The following EPHA5 variants were observed in gnomAD, a reference collection of about 807,000 sequenced individuals.
EPHA5 encodes the protein ephrin type-A receptor 5.
Under a neutral mutation model 105.0 loss-of-function variants are expected in EPHA5, and 60 were observed. The observed-to-expected ratio is 0.57, with a 90% CI of 0.46 to 0.71. The LOEUF is 0.71. Among genes scored for constraint, EPHA5 ranks in the 30% least tolerant of loss-of-function variants. EPHA5 has a pLI of 0.00. For missense variants in EPHA5, 1,218 were observed against 1,274.7 expected, an observed-to-expected ratio of 0.96 and a Z score of 0.68; for synonymous variants, 513 against 449.1, an observed-to-expected ratio of 1.14 and a Z score of -1.80.
chr4:65,507,557 T>C (rs1302626477), intron 3 of EPHA5, among the ~76,000 whole-genome samples: 1 of 152,200 alleles, frequency 6.6e-6, no homozygotes, highest in Non-Finnish European at 1.5e-5. Flanking sequence ...CAGTGGTTTG[T>C]AGTTCTCCTT....
At chr4:65,599,300 C>T (rs1277954270) in intron 3 of EPHA5, among the ~76,000 whole-genome samples, 1 of 150,782 alleles carries the variant, frequency 6.6e-6, no homozygotes, top group African/African-American at 2.4e-5. Context: ...AGGTTTGAGG[C>T]TAGCAGGTTA....
chr4:65,640,802 G>A (rs908866975), intron 2 of EPHA5, among the ~76,000 whole-genome samples: 6 of 152,148 alleles, frequency 3.9e-5, no homozygotes, highest in Admixed American at 6.6e-5. Flanking sequence ...TCTTTCCTGA[G>A]CATACTTACA....
chr4:65,520,827 A>C (rs1422016874), intron 3 of EPHA5, among the ~76,000 whole-genome samples: 1 of 152,202 alleles, frequency 6.6e-6, no homozygotes, highest in Non-Finnish European at 1.5e-5. Context: ...ACAATGAGAT[A>C]CCATCTCACA....
intron 3 of EPHA5, among the ~76,000 whole-genome samples, chr4:65,599,913 C>T (rs906936051): frequency 6.6e-6 from 1 of 152,024 alleles, no homozygotes. Flanking sequence ...TTAATCTCAT[C>T]GACAATCAAA....
intron 3 of EPHA5, among the ~76,000 whole-genome samples, chr4:65,595,603 C>T (rs924221153): frequency 7.3e-5 from 10 of 136,624 alleles, no homozygotes; most frequent in South Asian, 2.3e-4. Flanking sequence ...TTTTTTGAGA[C>T]GGAGCCTAAC....
chr4:65,473,936 T>A (rs1729536549), intron 5 of EPHA5, among the ~76,000 whole-genome samples: 1 of 150,892 alleles, frequency 6.6e-6, no homozygotes, highest in Admixed American at 6.6e-5. Flanking sequence ...CTATAGCATA[T>A]TGAGGATTAA....
intron 3 of EPHA5, among the ~76,000 whole-genome samples, chr4:65,532,884 A>C (rs1309005392): frequency 6.6e-6 from 1 of 152,058 alleles, no homozygotes; most frequent in Non-Finnish European, 1.5e-5. Context: ...GCATCTAAAC[A>C]GTTATTTGTC....
At chr4:65,438,606 T>C (rs1444248387) in intron 5 of EPHA5, among the ~76,000 whole-genome samples, 4 of 151,932 alleles carry the variant, frequency 2.6e-5, no homozygotes, top group Non-Finnish European at 4.4e-5. Context: ...TAAGAAAATA[T>C]GTGAGCTGAA....
intron 3 of EPHA5, among the ~76,000 whole-genome samples, chr4:65,516,516 A>G (rs1734118652): frequency 6.6e-6 from 1 of 151,952 alleles, no homozygotes; most frequent in Non-Finnish European, 1.5e-5. Flanking sequence ...CTGTGCTTTT[A>G]AAACCCTTGT....
chr4:65,420,607 C>T (rs1269426218), intron 5 of EPHA5, 42 bp from the exon 6 acceptor site: 14 of 1,588,550 alleles, frequency 8.8e-6, no homozygotes, highest in South Asian at 1.1e-5. Flanking sequence ...ATTAATAAGG[C>T]CCTAAAAGTA....
At chr4:65,513,476 G>A (rs1578300677) in intron 3 of EPHA5, among the ~76,000 whole-genome samples, 1 of 151,828 alleles carries the variant, frequency 6.6e-6, no homozygotes, top group East Asian at 1.9e-4. Flanking sequence ...AACCTCCGTC[G>A]CCCAGGTTCA....
At chr4:65,380,083 A>C (rs1384557617) in intron 8 of EPHA5, among the ~76,000 whole-genome samples, 3 of 151,812 alleles carry the variant, frequency 2.0e-5, no homozygotes, top group Non-Finnish European at 2.9e-5. Flanking sequence ...ATGATTTAGA[A>C]ATAGAAACCA....
intron 5 of EPHA5, among the ~76,000 whole-genome samples, chr4:65,440,473 A>T (rs1187068978): frequency 1.4e-5 from 2 of 145,592 alleles, no homozygotes; most frequent in Admixed American, 7.2e-5. Flanking sequence ...TTTTGTTTTT[A>T]TTCAACTTAT....
At chr4:65,665,548 A>C (rs780691967) in intron 1 of EPHA5, among the ~76,000 whole-genome samples, 3 of 152,142 alleles carry the variant, frequency 2.0e-5, no homozygotes, top group Non-Finnish European at 4.4e-5. Flanking sequence ...ATAGGTGTAA[A>C]AAGTGCACCT....
chr4:65,449,052 C>A lies in EPHA5; in HGVS notation c.1403-28487G>T, dbSNP rs75476012. Among the ~76,000 whole-genome samples the A allele has an allele frequency of 2.0e-5, 3 of 151,684 alleles. No individual in the cohort carries two copies. The South Asian group carries it at 6.2e-4, about 32-fold the overall frequency. ...TTATACTTGTCAAAGTAAGAAATAA[C>A]GTAACAAAAATGTATTTAAAAACTA... On this transcript the variant is annotated intron_variant, in intron 5 of 16. Coordinates refer to ENST00000613740, the MANE Select transcript of EPHA5 (RefSeq NM_001281766.3).
intron 5 of EPHA5, among the ~76,000 whole-genome samples, chr4:65,461,166 G>C (rs1728087256): frequency 1.3e-5 from 2 of 151,846 alleles, no homozygotes; most frequent in Admixed American, 6.6e-5. Context: ...GAGAGTTATT[G>C]TAAATGTACA....
chr4:65,665,633 A>G lies in EPHA5; in HGVS notation c.181+3929T>C, dbSNP rs1029305424. ...AGTATTTCCAGATGACAATATTACA[A>G]GAAGAATATTTCCAATCAAAGAAAA... On this transcript the variant is annotated intron_variant, in intron 1 of 16. Coordinates refer to ENST00000613740, the MANE Select transcript of EPHA5 (RefSeq NM_001281766.3). 2.6e-5 allele frequency among the ~76,000 whole-genome samples: 4 copies of G among 152,130 alleles called. No individual in the cohort carries two copies. The South Asian group carries it at 8.3e-4, about 31-fold the overall frequency.
chr4:65,559,551 A>C (rs563992585), intron 3 of EPHA5, among the ~76,000 whole-genome samples: 1 of 152,264 alleles, frequency 6.6e-6, no homozygotes, highest in African/African-American at 2.4e-5. Flanking sequence ...TGTCTCTGCA[A>C]AACAGTGTGA....
chr4:65,578,133 C>T (rs1030900986), intron 3 of EPHA5, among the ~76,000 whole-genome samples: 1 of 152,140 alleles, frequency 6.6e-6, no homozygotes, highest in Admixed American at 6.6e-5. Flanking sequence ...AAACACCACA[C>T]CCTCTCCAAA....
Sources: gnomAD v4.1 joint callset for allele counts (sites outside exome capture counted in the v4.1 genomes callset) on GRCh38, gnomAD v4.1.1 for gene constraint, MANE v1.5 for transcripts, NCBI Gene and HGNC (gene_info 2026-07-23, HGNC 2026-07-21) for gene names.